Variants in PRKN observed in about 807,000 individuals in gnomAD.
PRKN encodes the protein parkin RBR E3 ubiquitin protein ligase, also known as E3 ubiquitin-protein ligase parkin.
Under a neutral mutation model 59.5 loss-of-function variants are expected in PRKN, and 56 were observed. The ratio of observed to expected loss-of-function variants is 0.94; its 90% CI spans 0.76 to 1.18. The LOEUF (loss-of-function observed/expected upper bound fraction) is 1.18. PRKN is among the 50% of genes most tolerant of loss of function. The pLI is 0.00. For synonymous variants in PRKN, 250 were observed against 222.1 expected (o/e 1.13, Z -1.12); for missense variants, 657 against 596.4 (o/e 1.10, Z -1.06).
rs765760680 is a variant in PRKN at position 162,727,679 on chromosome 6, T to C, written c.-11A>G. On this transcript the variant is annotated 5_prime_UTR_variant, in exon 1 of 12. Transcript: ENST00000366898. ...CCACGTACCTATCATGGTCACTGGG[T>C]AGGTGGCGGCTGCGGGCCAGGAACA... 9.5e-6 allele frequency: 15 copies of C among 1,577,756 alleles called. No individual in the cohort carries two copies. Among genetic ancestry groups the C allele is most frequent in the Non-Finnish European group, 1.3e-5 (15 of 1,163,000 alleles).
rs139631994 is a variant in PRKN at position 162,078,931 on chromosome 6, A to G, written c.535-24757T>C. Among the ~76,000 whole-genome samples, 309 of 152,110 alleles carry G rather than the reference A, an allele frequency of 2.0e-3. 3 individuals carry two copies. Among genetic ancestry groups the G allele is most frequent in the African/African-American group, 7.2e-3 (298 of 41,420 alleles). ...GGTAAGATTTAATTTAATAGATCAG[A>G]CCCTCCTTTACAGTCTGTCTTCACA... On this transcript the variant is annotated intron_variant, in intron 4 of 11. Transcript: ENST00000366898.
intron 1 of PRKN, among the ~76,000 whole-genome samples, chr6:162,707,829 C>T (rs201877861): frequency 6.6e-6 from 1 of 152,138 alleles, no homozygotes; most frequent in East Asian, 1.9e-4. Flanking sequence ...TCCACCTTGC[C>T]TTGGCTTCCC....
intron 7 of PRKN, among the ~76,000 whole-genome samples, chr6:161,633,026 A>G (rs1237428675): frequency 6.6e-6 from 1 of 152,216 alleles, no homozygotes; most frequent in Admixed American, 6.5e-5. Context: ...ACCTATGATT[A>G]TCTAATTAAA....
chr6:162,725,679 C>A (rs1779131390), intron 1 of PRKN, among the ~76,000 whole-genome samples: 1 of 151,606 alleles, frequency 6.6e-6, no homozygotes, highest in South Asian at 2.1e-4. Context: ...GGGAGGATCA[C>A]TTGAGCCCAG....
chr6:162,362,474 T>G (rs891261798), intron 2 of PRKN, among the ~76,000 whole-genome samples: 1 of 152,118 alleles, frequency 6.6e-6, no homozygotes, highest in African/African-American at 2.4e-5. Flanking sequence ...CTTTCAAAAA[T>G]AAGGGCCGTG....
chr6:161,539,917 T>A (rs141864401), intron 9 of PRKN, among the ~76,000 whole-genome samples: 49 of 152,352 alleles, frequency 3.2e-4, no homozygotes, highest in African/African-American at 1.1e-3. Flanking sequence ...AGTATTGTAT[T>A]CCACTGTATA....
intron 1 of PRKN, among the ~76,000 whole-genome samples, chr6:162,577,859 G>A (rs539941442): frequency 6.6e-6 from 1 of 152,188 alleles, no homozygotes; most frequent in East Asian, 1.9e-4. Flanking sequence ...AGCCCAGGAG[G>A]TCAAGGTTTC....
At chr6:161,610,001 C>T (rs1405634021) in intron 7 of PRKN, among the ~76,000 whole-genome samples, 2 of 151,976 alleles carry the variant, frequency 1.3e-5, no homozygotes, top group African/African-American at 4.8e-5. Flanking sequence ...ATTTGATTCA[C>T]AAAATAAGCA....
chr6:162,373,289 A>T (rs942402360), intron 2 of PRKN, among the ~76,000 whole-genome samples: 1 of 152,150 alleles, frequency 6.6e-6, no homozygotes, highest in African/African-American at 2.4e-5. Context: ...TGAGTTTGGC[A>T]ATTTTAAGTT....
intron 2 of PRKN, among the ~76,000 whole-genome samples, chr6:162,401,940 TTA>T (rs1443783908): frequency 6.6e-6 from 1 of 152,092 alleles, no homozygotes; most frequent in African/African-American, 2.4e-5. Context: ...CTTCTAGAGA[TTA>T]TTCTGAGTAT....
intron 4 of PRKN, among the ~76,000 whole-genome samples, chr6:162,073,415 T>C (rs999875975): frequency 6.6e-6 from 1 of 152,202 alleles, no homozygotes; most frequent in African/African-American, 2.4e-5. Flanking sequence ...TTTTCCCAAG[T>C]ACTACCTCTA....
intron 9 of PRKN, among the ~76,000 whole-genome samples, chr6:161,517,155 C>T (rs372685162): frequency 2.0e-5 from 3 of 152,100 alleles, no homozygotes; most frequent in Non-Finnish European, 4.4e-5. Context: ...GAGTAGATGA[C>T]TTCTTTTATC....
At chr6:162,615,755 A>G (rs1782382706) in intron 1 of PRKN, among the ~76,000 whole-genome samples, 1 of 152,202 alleles carries the variant, frequency 6.6e-6, no homozygotes, top group Admixed American at 6.5e-5. Flanking sequence ...ACAGTGTAAA[A>G]TCAGGACAGG....
chr6:161,932,778 C>T (rs12207191), intron 6 of PRKN, among the ~76,000 whole-genome samples: 1 of 151,578 alleles, frequency 6.6e-6, no homozygotes, highest in Non-Finnish European at 1.5e-5. Context: ...ATGGTTACAA[C>T]TATACTAGCA....
rs1201025595 is a variant in PRKN at position 161,444,768 on chromosome 6, G to A, written c.1084-57891C>T. On this transcript the variant is annotated intron_variant, in intron 9 of 11. Transcript: ENST00000366898. This position sits in a 1 kb window ranked among gnomAD's most constrained non-coding sequence, Gnocchi z 5.6. ...AAACGGCACTCTTGACATGCTGTAC[G>A]GACAGAATCTTTACATGTCGTTTAT... Among the ~76,000 whole-genome samples, 3 of 152,188 alleles carry A rather than the reference G, an allele frequency of 2.0e-5. No individual in the cohort carries two copies. The highest frequency in any genetic ancestry group is 7.2e-5 in the African/African-American group (3 of 41,454).
rs369382939 is a variant in PRKN, at chr6:162,325,961, G to A, written c.172-63196C>T. On this transcript the variant is annotated intron_variant, in intron 2 of 11. Coordinates refer to ENST00000366898, the MANE Select transcript of PRKN (RefSeq NM_004562.3). ...ATCCGTGGTCATGTCTAATGGTGAC[G>A]GCACACATAATAGCCAATCAGAGCT... is the stretch of plus-strand genomic sequence containing the variant. Among the ~76,000 whole-genome samples the A allele has an allele frequency of 2.0e-5, 3 of 152,056 alleles. No homozygotes were observed. The South Asian group carries it at 6.2e-4, about 31-fold the overall frequency.
At chr6:162,155,676 A>G (rs767701382) in intron 4 of PRKN, among the ~76,000 whole-genome samples, 1 of 152,190 alleles carries the variant, frequency 6.6e-6, no homozygotes, top group Non-Finnish European at 1.5e-5. Flanking sequence ...AATGTTGACT[A>G]TTAATCTCAA....
chr6:161,673,675 C>T (rs539704461), intron 7 of PRKN, among the ~76,000 whole-genome samples: 1 of 152,238 alleles, frequency 6.6e-6, no homozygotes, highest in East Asian at 1.9e-4. Context: ...GGTGGAAGAT[C>T]AGCTGGGGGC....
intron 6 of PRKN, among the ~76,000 whole-genome samples, chr6:161,796,672 A>T (rs1364594723): frequency 6.6e-6 from 1 of 152,200 alleles, no homozygotes; most frequent in East Asian, 1.9e-4. Context: ...CGTTTATAAT[A>T]GTCCAAGTTC....
Sources: allele counts gnomAD v4.1 joint callset (sites outside exome capture counted in the v4.1 genomes callset), GRCh38; gene constraint gnomAD v4.1.1; non-coding constraint Gnocchi (gnomAD v3.1); transcripts MANE v1.5; gene names NCBI Gene and HGNC (gene_info 2026-07-23, HGNC 2026-07-21).